Variants in PPP4R4 observed in about 807,000 individuals in gnomAD.
The protein encoded by PPP4R4 is protein phosphatase 4 regulatory subunit 4.
Under a neutral mutation model 121.8 loss-of-function variants are expected in PPP4R4, and 70 were observed. The ratio of observed to expected loss-of-function variants is 0.57; its 90% CI spans 0.47 to 0.70. PPP4R4 has a LOEUF of 0.70. Among genes scored for constraint, PPP4R4 ranks in the 30% least tolerant of loss-of-function variants. PPP4R4 has a pLI of 0.00. For missense variants in PPP4R4, 875 were observed against 1,033.6 expected (o/e 0.85, Z 2.10); for synonymous variants, 348 against 355.7 (o/e 0.98, Z 0.24).
intron 2 of PPP4R4, among the ~76,000 whole-genome samples, chr14:94,194,323 A>G (rs1260626676): frequency 6.6e-6 from 1 of 152,136 alleles, no homozygotes; most frequent in Non-Finnish European, 1.5e-5. Flanking sequence ...GTTTCTGAGT[A>G]AGTATCCTAG....
intron 16 of PPP4R4, among the ~76,000 whole-genome samples, chr14:94,252,381 T>C (rs1366749031): frequency 6.6e-6 from 1 of 152,168 alleles, no homozygotes; most frequent in Non-Finnish European, 1.5e-5. Context: ...AAATGTTAAT[T>C]GCATTTGATT....
rs1318385517 is a variant in PPP4R4 at position 94,258,785 on chromosome 14, T to G, written c.2013T>G (p.Thr671=). 2 of 1,569,498 alleles carry G rather than the reference T, an allele frequency of 1.3e-6. No homozygotes were observed. Among genetic ancestry groups the G allele is most frequent in the Non-Finnish European group, 1.8e-6 (2 of 1,140,364 alleles). ...AATTTTAAAAACTTTCCTTATAGAC[T>G]GTATTAGAGTTGGACAGAATGGAAA... ...DKDVLAIVKR[T]VLELDRMEMS... Residue 671 remains threonine, a splice_region_variant and synonymous_variant, in exon 18 of 25, where the codon ACT becomes ACG. Coordinates refer to ENST00000304338, the MANE Select transcript of PPP4R4 (RefSeq NM_058237.2).
intron 2 of PPP4R4, among the ~76,000 whole-genome samples, chr14:94,207,712 A>C (rs1012109664): frequency 1.3e-5 from 2 of 150,912 alleles, no homozygotes; most frequent in African/African-American, 4.9e-5. Flanking sequence ...CTATCTATCT[A>C]TATATATATA....
intron 3 of PPP4R4, among the ~76,000 whole-genome samples, chr14:94,228,847 G>A (rs1434597468): frequency 6.6e-6 from 1 of 152,146 alleles, no homozygotes; most frequent in African/African-American, 2.4e-5. Flanking sequence ...GTTGTGTATT[G>A]GATGATGGTA....
chr14:94,234,936 C>T (rs1382469065), intron 7 of PPP4R4, among the ~76,000 whole-genome samples: 1 of 152,194 alleles, frequency 6.6e-6, no homozygotes, highest in African/African-American at 2.4e-5. Flanking sequence ...ATATGTTTGA[C>T]TGGCTATTCT....
At chr14:94,235,119 A>G (rs1020994652) in intron 7 of PPP4R4, among the ~76,000 whole-genome samples, 6 of 152,190 alleles carry the variant, frequency 3.9e-5, no homozygotes, top group Admixed American at 2.0e-4. Context: ...CATGTTTAAA[A>G]TCATCTCTAG....
intron 3 of PPP4R4, 67 bp downstream of exon 3, chr14:94,208,633 A>G (rs1890586712): frequency 8.0e-7 from 1 of 1,257,296 alleles, no homozygotes; most frequent in Admixed American, 2.0e-5. Flanking sequence ...CATTGTTGAA[A>G]GGATTTTGGA....
At chr14:94,205,879 G>T (rs1890427571) in intron 2 of PPP4R4, among the ~76,000 whole-genome samples, 1 of 151,842 alleles carries the variant, frequency 6.6e-6, no homozygotes, top group African/African-American at 2.4e-5. Context: ...TCAAAAATTT[G>T]TTGAGGTTTG....
intron 3 of PPP4R4, among the ~76,000 whole-genome samples, chr14:94,218,467 G>A (rs1271774212): frequency 6.8e-4 from 67 of 97,930 alleles, no homozygotes; most frequent in African/African-American, 2.8e-3. Context: ...GACACCGCAC[G>A]CGCGCACACA....
At chr14:94,240,107 G>C (rs1416667376) in intron 8 of PPP4R4, among the ~76,000 whole-genome samples, 1 of 152,104 alleles carries the variant, frequency 6.6e-6, no homozygotes, top group Non-Finnish European at 1.5e-5. Context: ...AAAATCACCA[G>C]TATGTCAGAT....
In PPP4R4 at chr14:94,265,824, G is replaced by A. The variant is rs755834659; in HGVS notation, c.2315G>A (p.Arg772Gln). Residue 772 changes from arginine (R) to glutamine (Q), a missense_variant, in exon 22 of 25, where the codon CGA becomes CAA. Arg to Gln is a conservative substitution (Grantham distance 43, BLOSUM62 1). Coordinates refer to ENST00000304338, the MANE Select transcript of PPP4R4 (RefSeq NM_058237.2). ...GAAATCAAGAAATCCAAACTGATTCGAAGCCAGTCTTTTAATAATCAAGCT... is the reference window on the plus strand; with the variant it reads ...GAAATCAAGAAATCCAAACTGATTCAAAGCCAGTCTTTTAATAATCAAGCT... ...SKEIKKSKLI[R>Q]SQSFNNQAFH... 14 of 1,608,786 alleles carry A rather than the reference G, an allele frequency of 8.7e-6. No individual in the cohort carries two copies. Among genetic ancestry groups the A allele is most frequent in the South Asian group, 4.4e-5 (4 of 90,480 alleles).
chr14:94,186,246 A>T (rs1889275128), intron 2 of PPP4R4, among the ~76,000 whole-genome samples: 1 of 152,264 alleles, frequency 6.6e-6, no homozygotes, highest in Non-Finnish European at 1.5e-5. Flanking sequence ...GTGTGCTTAG[A>T]TTATCTCTCT....
At chr14:94,250,551 G>T (rs1394617710) in intron 15 of PPP4R4, among the ~76,000 whole-genome samples, 3 of 151,822 alleles carry the variant, frequency 2.0e-5, no homozygotes, top group Non-Finnish European at 4.4e-5. Flanking sequence ...TGATGAAATA[G>T]CATTTGGAAC....
chr14:94,203,906 G>A (rs1430235468), intron 2 of PPP4R4, among the ~76,000 whole-genome samples: 2 of 152,064 alleles, frequency 1.3e-5, no homozygotes, highest in South Asian at 2.1e-4. Flanking sequence ...TTACTATTGA[G>A]TTTTGAGAGT....
At chr14:94,254,215 A>G (rs1398140466) in intron 16 of PPP4R4, among the ~76,000 whole-genome samples, 1 of 152,162 alleles carries the variant, frequency 6.6e-6, no homozygotes, top group Non-Finnish European at 1.5e-5. Context: ...CTTCTGCTGA[A>G]TATCTGTTTT....
At chr14:94,191,603 T>C (rs1019511104) in intron 2 of PPP4R4, among the ~76,000 whole-genome samples, 2 of 152,272 alleles carry the variant, frequency 1.3e-5, no homozygotes, top group Admixed American at 1.3e-4. Context: ...ATTCCTCCTA[T>C]CTTGCTGTAT....
In PPP4R4 at chr14:94,278,967, G is replaced by A. The variant is rs1894791964; in HGVS notation, c.*324G>A. 5.6e-6 allele frequency: 1 copy of A among 177,470 alleles called. No individual in the cohort carries two copies. The highest frequency in any genetic ancestry group is 1.9e-4 in the South Asian group (1 of 5,146). 11.0% of individuals were successfully genotyped at this position (177,470 alleles called of 1,614,324 possible). On this transcript the variant is annotated 3_prime_UTR_variant, in exon 25 of 25. Transcript: ENST00000304338. ...AAAAGAGACAAGTCTGCATTTATTT[G>A]TGCAGGAAACCAGCCATTTAATTGT...
chr14:94,206,404 A>C (rs1429361471), intron 2 of PPP4R4, among the ~76,000 whole-genome samples: 1 of 151,984 alleles, frequency 6.6e-6, no homozygotes. Flanking sequence ...TCATTTTTAA[A>C]ATCCACTCTG....
intron 3 of PPP4R4, among the ~76,000 whole-genome samples, chr14:94,217,292 C>T (rs2139478098): frequency 6.6e-6 from 1 of 152,232 alleles, no homozygotes; most frequent in African/African-American, 2.4e-5. Context: ...TAATAGTGGC[C>T]CACTATTGGA....
Sources: gnomAD v4.1 joint callset for allele counts (sites outside exome capture counted in the v4.1 genomes callset) on GRCh38, gnomAD v4.1.1 for gene constraint, MANE v1.5 for transcripts, NCBI Gene and HGNC (gene_info 2026-07-23, HGNC 2026-07-21) for gene names.